The following ZNF627 variants were observed in gnomAD, a reference collection of about 807,000 sequenced individuals.
ZNF627 encodes zinc finger protein 627.
A neutral mutation model predicts 10.6 loss-of-function variants in ZNF627; 12 were observed. The ratio of observed to expected loss-of-function variants is 1.13; its 90% CI spans 0.73 to 1.84. The LOEUF (loss-of-function observed/expected upper bound fraction) is 1.84. ZNF627 is among the 40% of genes most tolerant of loss of function. The pLI, the probability that ZNF627 is intolerant of heterozygous loss-of-function variation, is 0.00. For synonymous variants in ZNF627, 176 were observed against 187.1 expected (o/e 0.94, Z 0.48); for missense variants, 504 against 568.4 (o/e 0.89, Z 1.15).
intron 1 of ZNF627, among the ~76,000 whole-genome samples, chr19:11,601,357 T>C (rs1369760351): frequency 6.6e-6 from 1 of 152,146 alleles, no homozygotes; most frequent in Non-Finnish European, 1.5e-5. Flanking sequence ...TTTTTTTGTG[T>C]GTGACAGGGT....
chr19:11,617,437 T>C lies in ZNF627; in HGVS notation c.934T>C (p.Cys312Arg). The change falls in exon 4 of 4, where the codon TGC becomes CGC. Residue 312 changes from cysteine to arginine, a missense_variant. By Grantham distance (180) the Cys-to-Arg change is radical (BLOSUM62 -3). Coordinates refer to ENST00000361113, the MANE Select transcript of ZNF627 (RefSeq NM_145295.4). ...AGAGAAACTTTTTGAATGTAAGGAA[T>C]GCGGGAAGGCTTTGACTTGTCTTGC... ...TGEKLFECKECGKALTCLASV... is the reference protein window; with the variant it reads ...TGEKLFECKERGKALTCLASV... 1 of 1,613,990 alleles carries C rather than the reference T, an allele frequency of 6.2e-7. No homozygotes were observed. The highest frequency in any genetic ancestry group is 2.2e-5 in the East Asian group (1 of 44,872).
Position 11,597,938 on chromosome 19 carries a change from C to T in ZNF627, c.3+308C>T, listed in dbSNP as rs143969094. 6.1e-3 allele frequency among the ~76,000 whole-genome samples: 933 copies of T among 152,364 alleles called. 7 individuals are homozygous for T. The highest frequency in any genetic ancestry group is 8.3e-3 in the Non-Finnish European group (562 of 68,040). On this transcript the variant is annotated intron_variant, in intron 1 of 3. Coordinates refer to ENST00000361113, the MANE Select transcript of ZNF627 (RefSeq NM_145295.4). ...AGGAGCTGCGGTCTGTGGCCGCCCCCCACAGTCCCGCCTTTCTCCCGTTAA... is the reference window on the plus strand; with the variant it reads ...AGGAGCTGCGGTCTGTGGCCGCCCCTCACAGTCCCGCCTTTCTCCCGTTAA...
chr19:11,614,289 T>C (rs990016393), intron 1 of ZNF627, among the ~76,000 whole-genome samples: 1 of 152,190 alleles, frequency 6.6e-6, no homozygotes, highest in African/African-American at 2.4e-5. Flanking sequence ...GCCCAGGCAG[T>C]ACATACTTCT....
At chr19:11,605,321 A>G (rs1973656286) in intron 1 of ZNF627, among the ~76,000 whole-genome samples, 1 of 151,784 alleles carries the variant, frequency 6.6e-6, no homozygotes, top group Non-Finnish European at 1.5e-5. Flanking sequence ...TCCTGACCTC[A>G]TGAGCCACCG....
chr19:11,618,188 GTAAGT>G lies in ZNF627; in HGVS notation c.*304_*308del, dbSNP rs1403209625. ...AACCTATCTTACATGAGATTCGGAA[GTAAGT>G]TAAGAAGGCATTAGTCATGGTTTGG... On this transcript the variant is annotated 3_prime_UTR_variant, in exon 4 of 4. Coordinates refer to ENST00000361113, the MANE Select transcript of ZNF627 (RefSeq NM_145295.4). 4 of 309,278 alleles carry G rather than the reference GTAAGT, an allele frequency of 1.3e-5. No individual in the cohort carries two copies. The highest frequency in any genetic ancestry group is 8.7e-5 in the African/African-American group (4 of 46,192). 19.2% of individuals were successfully genotyped at this position (309,278 alleles called of 1,614,324 possible).
chr19:11,609,517 A>ATATATATATATG (rs1973735189), intron 1 of ZNF627, among the ~76,000 whole-genome samples: 2 of 98,042 alleles, frequency 2.0e-5, no homozygotes, highest in African/African-American at 7.4e-5. Context: ...ATATATATAT[A>ATATATATATATG]TGTATTTTTT....
intron 1 of ZNF627, among the ~76,000 whole-genome samples, chr19:11,598,335 A>T (rs1299764189): frequency 6.6e-6 from 1 of 152,146 alleles, no homozygotes; most frequent in African/African-American, 2.4e-5. Flanking sequence ...GGAGTTGAAG[A>T]TCAGCCTCGC....
chr19:11,615,907 C>G (rs966141758), intron 3 of ZNF627, among the ~76,000 whole-genome samples: 6 of 149,238 alleles, frequency 4.0e-5, no homozygotes, highest in Non-Finnish European at 8.9e-5. Flanking sequence ...TTAGTAGAGA[C>G]AGGGTTTCAC....
intron 1 of ZNF627, among the ~76,000 whole-genome samples, chr19:11,603,676 A>G (rs1884910589): frequency 6.6e-6 from 1 of 152,012 alleles, no homozygotes; most frequent in South Asian, 2.1e-4. Flanking sequence ...TGAATCTTCC[A>G]TGAAATGGTA....
At position 11,612,371 on chromosome 19, in the gene ZNF627, C is replaced by T. The variant is rs150843280; in HGVS notation, c.4-2156C>T. On this transcript the variant is annotated intron_variant, in intron 1 of 3. Coordinates refer to ENST00000361113, the MANE Select transcript of ZNF627 (RefSeq NM_145295.4). ...TCCTGACCTCGTGATCCGCCTGCCT[C>T]GGCCTCCCAAAGTGCTGGGATTACA... Among the ~76,000 whole-genome samples the T allele has an allele frequency of 6.0e-3, 903 of 149,710 alleles. 7 individuals are homozygous for T. Among genetic ancestry groups the T allele is most frequent in the African/African-American group, 0.021 (865 of 40,694 alleles).
At chr19:11,613,792 G>A (rs931102312) in intron 1 of ZNF627, among the ~76,000 whole-genome samples, 1 of 152,084 alleles carries the variant, frequency 6.6e-6, no homozygotes, top group African/African-American at 2.4e-5. Context: ...AGGTTGGTGG[G>A]ATCCTGTCTA....
At chr19:11,601,962 C>T (rs371019611) in intron 1 of ZNF627, among the ~76,000 whole-genome samples, 33 of 143,354 alleles carry the variant, frequency 2.3e-4, no homozygotes, top group African/African-American at 7.6e-4. Context: ...GCCGAGATCG[C>T]GCCACTGCAC....
intron 1 of ZNF627, among the ~76,000 whole-genome samples, chr19:11,614,082 T>G (rs1973825095): frequency 6.6e-6 from 1 of 152,052 alleles, no homozygotes; most frequent in Non-Finnish European, 1.5e-5. Flanking sequence ...CCACCGTGCC[T>G]GGCTAATTTT....
At chr19:11,605,511 CCTT>C (rs1456616362) in intron 1 of ZNF627, among the ~76,000 whole-genome samples, 5 of 152,108 alleles carry the variant, frequency 3.3e-5, no homozygotes, top group South Asian at 2.1e-4. Flanking sequence ...GCAAACATGT[CCTT>C]CTTCACATGG....
In ZNF627 at chr19:11,614,720, T is replaced by C. The variant is rs7256117; in HGVS notation, c.130+67T>C. ...AAGTGTTTCTAGCTCCTTAACACTTTGGGGAATAAACCAGGCATGGGTACA... is the reference window on the plus strand; with the variant it reads ...AAGTGTTTCTAGCTCCTTAACACTTCGGGGAATAAACCAGGCATGGGTACA... On this transcript the variant is annotated intron_variant, in intron 2 of 3. Transcript: ENST00000361113. 2,166 of 1,610,066 alleles carry C rather than the reference T, an allele frequency of 1.3e-3. 27 individuals are homozygous for C. In the African/African-American group the frequency reaches 0.026, roughly 19 times the overall value.
At chr19:11,611,672 GAAT>G (rs1434052572) in intron 1 of ZNF627, among the ~76,000 whole-genome samples, 1 of 152,166 alleles carries the variant, frequency 6.6e-6, no homozygotes, top group East Asian at 1.9e-4. Context: ...CTATAAAATA[GAAT>G]AAGAGCTCCC....
Position 11,618,121 on chromosome 19 carries a change from A to G in ZNF627, c.*232A>G, listed in dbSNP as rs1480410566. The G allele has an allele frequency of 4.5e-6, 2 of 444,516 alleles. No homozygotes were observed. Among genetic ancestry groups the G allele is most frequent in the African/African-American group, 4.0e-5 (2 of 49,472 alleles). The allele number at this position is 444,516 out of a possible 1,614,324, so 27.5% of individuals were successfully genotyped here. On this transcript the variant is annotated 3_prime_UTR_variant, in exon 4 of 4. Transcript: ENST00000361113. ...TGGTAGGTTAGGAACTAGATTTCCC[A>G]GAATCCATTCCATTTGTGATTCCAT... is the stretch of plus-strand genomic sequence containing the variant.
At chr19:11,609,222 A>C (rs4804609) in intron 1 of ZNF627, among the ~76,000 whole-genome samples, 62,859 of 151,450 alleles carry the variant, frequency 0.42, 13,302 homozygotes, top group Non-Finnish European at 0.47. Context: ...CTACCATCTT[A>C]AGCATTTTTG....
chr19:11,610,471 G>A (rs781039997), intron 1 of ZNF627, among the ~76,000 whole-genome samples: 1 of 151,984 alleles, frequency 6.6e-6, no homozygotes, highest in African/African-American at 2.4e-5. Context: ...ATGTGGTAGT[G>A]TGCACCTGCA....
Sources: gnomAD v4.1 joint callset for allele counts (sites outside exome capture counted in the v4.1 genomes callset) on GRCh38, gnomAD v4.1.1 for gene constraint, MANE v1.5 for transcripts, NCBI Gene and HGNC (gene_info 2026-07-23, HGNC 2026-07-21) for gene names.